Variants in RUBCN observed in about 807,000 individuals in gnomAD.
RUBCN encodes rubicon autophagy regulator.
In RUBCN, 74 loss-of-function variants were observed where a neutral mutation model predicts 113.2. The ratio of observed to expected loss-of-function variants is 0.65; its 90% CI spans 0.54 to 0.79. RUBCN has a LOEUF of 0.79. Among genes scored for constraint, RUBCN ranks in the 30% least tolerant of loss-of-function variants. The pLI is 0.00. For synonymous variants in RUBCN, 480 were observed against 490.0 expected, an observed-to-expected ratio of 0.98 and a Z score of 0.27; for missense variants, 1,109 against 1,251.7, an observed-to-expected ratio of 0.89 and a Z score of 1.72.
rs777888922 is a variant in RUBCN, at chr3:197,677,483, T to C, written c.2489A>G (p.Lys830Arg). The part of the protein sequence containing the change: ...KNMFKTCRLA[K>R]ELLDSFDTVP... Reference sequence around the variant, plus strand: ...CTCTAGCTCCAAAAGGACTTACTCCTTGGCCAGTCGGCAAGTCTTGAACAT... The same window carrying C: ...CTCTAGCTCCAAAAGGACTTACTCCCTGGCCAGTCGGCAAGTCTTGAACAT... The change falls in exon 17 of 20, where the codon AAG (lysine) becomes AGG (arginine). Residue 830 changes from lysine (K) to arginine (R), a missense_variant. Physicochemically the swap from Lys to Arg is conservative, Grantham distance 26. This residue lies in a region of RUBCN where 306 missense variants were observed against 348.9 expected (regional missense o/e 0.88). Transcript: ENST00000296343. 7 of 1,613,912 alleles carry C rather than the reference T, an allele frequency of 4.3e-6. No individual in the cohort carries two copies. In the South Asian group the frequency reaches 6.6e-5, roughly 15 times the overall value.
chr3:197,687,507 G>A (rs1267515752), intron 11 of RUBCN, among the ~76,000 whole-genome samples: 1 of 152,238 alleles, frequency 6.6e-6, no homozygotes, highest in African/African-American at 2.4e-5. Flanking sequence ...CATGATGTGA[G>A]GTTTTGTGGT....
Position 197,674,852 on chromosome 3 carries a change from G to GGAGT in RUBCN, c.*165_*166insACTC. 6.8e-6 allele frequency: 4 copies of GGAGT among 590,066 alleles called. No homozygotes were observed. Among genetic ancestry groups the GGAGT allele is most frequent in the South Asian group, 2.5e-5 (1 of 39,508 alleles). The allele number at this position is 590,066 out of a possible 1,614,324, so 36.6% of individuals were successfully genotyped here. A position where few individuals can be genotyped will look rare whatever the true frequency, so the allele number is the denominator to read the frequency against. ...TGGACCCATCAACCTGCCGACGGCT[G>GGAGT]ACTGCACACAGACGTCAGACAAGTC... is the stretch of plus-strand genomic sequence containing the variant. On this transcript the variant is annotated 3_prime_UTR_variant, in exon 20 of 20. Coordinates refer to ENST00000296343, the MANE Select transcript of RUBCN (RefSeq NM_014687.4).
At chr3:197,694,221 G>A (rs1393991004) in intron 10 of RUBCN, 154 bp downstream of exon 10, 22 of 794,286 alleles carry the variant, frequency 2.8e-5, no homozygotes, top group Middle Eastern at 4.4e-4. Flanking sequence ...TGCAGGAAAC[G>A]GAGCGACTCT....
chr3:197,721,961 G>A (rs1191619649), intron 1 of RUBCN, among the ~76,000 whole-genome samples: 6 of 151,996 alleles, frequency 3.9e-5, no homozygotes, highest in Admixed American at 2.0e-4. Context: ...TTGAATGGCC[G>A]GGTGCGGTGG....
At chr3:197,722,634 G>A (rs1726291252) in intron 1 of RUBCN, among the ~76,000 whole-genome samples, 1 of 149,860 alleles carries the variant, frequency 6.7e-6, no homozygotes, top group Non-Finnish European at 1.5e-5. Flanking sequence ...ATCCAACATG[G>A]GAGCACCTTA....
intron 2 of RUBCN, among the ~76,000 whole-genome samples, chr3:197,717,362 T>G (rs1725653919): frequency 6.6e-6 from 1 of 150,430 alleles, no homozygotes; most frequent in Non-Finnish European, 1.5e-5. Flanking sequence ...GAGAATGCTG[T>G]GAACCCGGGA....
chr3:197,714,818 T>A (rs1725339669), intron 2 of RUBCN, among the ~76,000 whole-genome samples: 1 of 152,054 alleles, frequency 6.6e-6, no homozygotes, highest in South Asian at 2.1e-4. Context: ...ATTTTTTTTT[T>A]AAATAGGAGG....
At chr3:197,717,558 G>A (rs1580331009) in intron 2 of RUBCN, among the ~76,000 whole-genome samples, 2 of 152,202 alleles carry the variant, frequency 1.3e-5, no homozygotes, top group Non-Finnish European at 2.9e-5. Context: ...AGCTGGAAAA[G>A]GCAAGGAAGT....
At chr3:197,710,054 C>A (rs969258398) in intron 2 of RUBCN, among the ~76,000 whole-genome samples, 1 of 151,764 alleles carries the variant, frequency 6.6e-6, no homozygotes, top group African/African-American at 2.4e-5. Flanking sequence ...CCTGTAATCC[C>A]AGCTCCTCGA....
At chr3:197,699,223 TG>T in intron 7 of RUBCN, 1 of 1,549,338 alleles carries the variant, frequency 6.5e-7, no homozygotes, top group Non-Finnish European at 8.7e-7. Context: ...GTGATATTCC[TG>T]GGGCCTCCTG....
At chr3:197,679,817 C>G in intron 16 of RUBCN, among the ~76,000 whole-genome samples, 1 of 148,394 alleles carries the variant, frequency 6.7e-6, no homozygotes, top group Non-Finnish European at 1.5e-5. Flanking sequence ...TGGCTCCAGA[C>G]TGTCCTACGC....
In RUBCN at chr3:197,674,209, CTCT is replaced by C. The variant is rs547616851; in HGVS notation, c.*806_*808del. ...AACACCAAGAGGGGGCCGACCGCTC[CTCT>C]GAGTAAGCGCTCCTTCAGCGACAGA... On this transcript the variant is annotated 3_prime_UTR_variant, in exon 20 of 20. Coordinates refer to ENST00000296343, the MANE Select transcript of RUBCN (RefSeq NM_014687.4). 2.0e-3 allele frequency: 303 copies of C among 153,198 alleles called. No individual in the cohort carries two copies. Among genetic ancestry groups the C allele is most frequent in the Middle Eastern group, 6.8e-3 (2 of 296 alleles). 9.5% of individuals were successfully genotyped at this position (153,198 alleles called of 1,614,324 possible). A position where few individuals can be genotyped will look rare whatever the true frequency, so the allele number is the denominator to read the frequency against.
intron 2 of RUBCN, among the ~76,000 whole-genome samples, chr3:197,717,368 C>T (rs1185855556): frequency 6.6e-6 from 1 of 150,690 alleles, no homozygotes; most frequent in Non-Finnish European, 1.5e-5. Flanking sequence ...GCTGTGAACC[C>T]GGGAGGCGGA....
Position 197,681,297 on chromosome 3 carries a change from G to A in RUBCN, c.2262C>T (p.Ala754=). 3 of 1,614,162 alleles carry A rather than the reference G, an allele frequency of 1.9e-6. No homozygotes were observed. Among genetic ancestry groups the A allele is most frequent in the Non-Finnish European group, 2.5e-6 (3 of 1,180,032 alleles). ...KYFCQCCHEN[A]QMAIPSRVLR... ...GAACCCGGCTGGGGATGGCCATCTG[G>A]GCATTCTCGTGGCAGCACTGGCAGA... The change falls in exon 16 of 20, where the codon GCC becomes GCT. Residue 754 remains alanine, a synonymous_variant. Coordinates refer to ENST00000296343, the MANE Select transcript of RUBCN (RefSeq NM_014687.4). The surrounding 1 kb of genome is among the most constrained non-coding windows in gnomAD (Gnocchi z 5.5).
At chr3:197,735,161 G>A (rs1338584043) in intron 1 of RUBCN, among the ~76,000 whole-genome samples, 2 of 152,196 alleles carry the variant, frequency 1.3e-5, no homozygotes, top group Non-Finnish European at 2.9e-5. Flanking sequence ...GGAGGCCGAC[G>A]TGGCGGGGGA....
rs1726800716 is a variant in RUBCN at position 197,726,702 on chromosome 3, A to G, written c.66-8572T>C. ...ATTACAGGCACCCACCACCAAACCC[A>G]GCTAATTTTTGTATTTTTTAGTAGA... is the stretch of plus-strand genomic sequence containing the variant. On this transcript the variant is annotated intron_variant, in intron 1 of 19. Transcript: ENST00000296343. Among the ~76,000 whole-genome samples the G allele has an allele frequency of 2.1e-5, 3 of 143,630 alleles. No homozygotes were observed. In the South Asian group the frequency reaches 6.6e-4, roughly 32 times the overall value. 94.2% of individuals were successfully genotyped at this position (143,630 alleles called of 152,430 possible). A position where few individuals can be genotyped will look rare whatever the true frequency, so the allele number is the denominator to read the frequency against.
In RUBCN at chr3:197,736,840, C is replaced by G. The variant is rs1011571403; in HGVS notation, c.-121G>C. ...TGCGGCCGGTGGGCTCCGGGTGATG[C>G]GCTACACCCGGGCGGCGACAGCGGG... On this transcript the variant is annotated 5_prime_UTR_variant, in exon 1 of 20. Coordinates refer to ENST00000296343, the MANE Select transcript of RUBCN (RefSeq NM_014687.4). 4.7e-4 allele frequency: 661 copies of G among 1,393,574 alleles called. 1 individual carries two copies. The highest frequency in any genetic ancestry group is 6.0e-4 in the Non-Finnish European group (646 of 1,082,166). The allele number at this position is 1,393,574 out of a possible 1,614,324, so 86.3% of individuals were successfully genotyped here. A position where few individuals can be genotyped will look rare whatever the true frequency, so the allele number is the denominator to read the frequency against.
At chr3:197,713,831 T>C (rs527879568) in intron 2 of RUBCN, among the ~76,000 whole-genome samples, 25 of 151,496 alleles carry the variant, frequency 1.7e-4, no homozygotes, top group Non-Finnish European at 3.2e-4. Context: ...TCCCAGCACT[T>C]TGGGAGGCTG....
chr3:197,699,754 C>A (rs1239283318), intron 7 of RUBCN, among the ~76,000 whole-genome samples: 1 of 152,160 alleles, frequency 6.6e-6, no homozygotes, highest in Non-Finnish European at 1.5e-5. Flanking sequence ...CCAGAAATTA[C>A]AAAGAGAAAG....
Sources: allele counts gnomAD v4.1 joint callset (sites outside exome capture counted in the v4.1 genomes callset), GRCh38; gene constraint gnomAD v4.1.1; regional missense constraint gnomAD v4.1.1; non-coding constraint Gnocchi (gnomAD v3.1); transcripts MANE v1.5; gene names NCBI Gene and HGNC (gene_info 2026-07-23, HGNC 2026-07-21).